Variants in RNF17 observed in about 807,000 individuals in gnomAD.
RNF17 encodes ring finger protein 17.
A neutral mutation model predicts 200.5 loss-of-function variants in RNF17; 31 were observed. That is an observed-to-expected ratio of 0.15 (90% CI 0.12 to 0.21). The LOEUF is 0.21. Ranked by LOEUF, RNF17 falls within the 10% of genes least tolerant of loss-of-function variation. The pLI, the probability that RNF17 is intolerant of heterozygous loss-of-function variation, is 1.00. For missense variants in RNF17, 1,628 were observed against 1,905.1 expected (o/e 0.85, Z 2.71); for synonymous variants, 606 against 637.8 (o/e 0.95, Z 0.75).
intron 15 of RNF17, among the ~76,000 whole-genome samples, chr13:24,816,465 T>C (rs1467136680): frequency 6.6e-6 from 1 of 152,130 alleles, no homozygotes; most frequent in Non-Finnish European, 1.5e-5. Context: ...CTTACCACAA[T>C]AAAACCAGAA....
At chr13:24,833,053 T>A (rs1330152323) in intron 18 of RNF17, among the ~76,000 whole-genome samples, 1 of 152,184 alleles carries the variant, frequency 6.6e-6, no homozygotes, top group Non-Finnish European at 1.5e-5. Context: ...ACTGGGAATC[T>A]GTTTTTCATC....
At chr13:24,885,408 A>G in the RNF17 span, 1 of 1,539,580 alleles carries the variant, frequency 6.5e-7, no homozygotes. Flanking sequence ...ACACATTTCA[A>G]GCAGCTAAAA....
intron 6 of RNF17, among the ~76,000 whole-genome samples, chr13:24,782,291 T>TC (rs1882488106): frequency 6.6e-6 from 1 of 151,836 alleles, no homozygotes; most frequent in African/African-American, 2.4e-5. Context: ...TCCTGCCACC[T>TC]CAGCCTTCAA....
At chr13:24,853,677 T>A (rs1433931747) in intron 24 of RNF17, among the ~76,000 whole-genome samples, 178 bp from the exon 25 acceptor site, 1 of 152,226 alleles carries the variant, frequency 6.6e-6, no homozygotes, top group Non-Finnish European at 1.5e-5. Flanking sequence ...TTGCTTTTTC[T>A]CATCAGTCTC....
chr13:24,806,199 T>A (rs1566158381), intron 15 of RNF17, among the ~76,000 whole-genome samples: 1 of 152,218 alleles, frequency 6.6e-6, no homozygotes, highest in Non-Finnish European at 1.5e-5. Flanking sequence ...TGACTCATTC[T>A]TTTTTATGTC....
intron 2 of RNF17, among the ~76,000 whole-genome samples, chr13:24,768,160 T>C (rs1675978471): frequency 6.6e-6 from 1 of 152,110 alleles, no homozygotes; most frequent in African/African-American, 2.4e-5. Context: ...AATCTTTCCA[T>C]AAGAATGAGA....
chr13:24,860,827 A>G (rs577339035), intron 26 of RNF17, among the ~76,000 whole-genome samples: 1 of 151,880 alleles, frequency 6.6e-6, no homozygotes, highest in African/African-American at 2.4e-5. Flanking sequence ...TAAATACAGT[A>G]TTACTTTTTT....
At chr13:24,876,253 T>C (rs556908072) in intron 33 of RNF17, among the ~76,000 whole-genome samples, 1 of 152,232 alleles carries the variant, frequency 6.6e-6, no homozygotes, top group Non-Finnish European at 1.5e-5. Flanking sequence ...TTTATTTTCA[T>C]CTTAATTTCA....
At chr13:24,864,210 G>A (rs186317055) in intron 28 of RNF17, among the ~76,000 whole-genome samples, 13 of 152,332 alleles carry the variant, frequency 8.5e-5, no homozygotes, top group East Asian at 1.9e-4. Context: ...GCTGAGGCAG[G>A]AGCAGGGCTA....
At chr13:24,753,709 A>G in the RNF17 span, among the ~76,000 whole-genome samples, 33 of 152,238 alleles carry the variant, frequency 2.2e-4, no homozygotes, top group African/African-American at 8.0e-4. Context: ...TGTGGCTCTT[A>G]GCAGATAGTG....
intron 24 of RNF17, among the ~76,000 whole-genome samples, chr13:24,853,160 T>C (rs1031878209): frequency 1.3e-5 from 2 of 152,140 alleles, no homozygotes; most frequent in African/African-American, 4.8e-5. Flanking sequence ...GTGATCTTCC[T>C]GCCTCAGTCT....
In RNF17 at chr13:24,789,306, TG is replaced by T. The variant is rs1337070207; in HGVS notation, c.784-41del. 2.3e-6 allele frequency: 3 copies of T among 1,287,984 alleles called. No homozygotes were observed. In the East Asian group the frequency reaches 7.0e-5, roughly 30 times the overall value. The allele number at this position is 1,287,984 out of a possible 1,614,324, so 79.8% of individuals were successfully genotyped here. On this transcript the variant is annotated intron_variant, in intron 7 of 35. Coordinates refer to ENST00000255324, the MANE Select transcript of RNF17 (RefSeq NM_031277.3). ...AAATCTTACTGTTCAGCAATATTTG[TG>T]ACAAGATTCACACATGAATGATTTT... is the stretch of plus-strand genomic sequence containing the variant.
At chr13:24,845,136 G>T in intron 22 of RNF17, 57 bp downstream of exon 22, 1 of 900,036 alleles carries the variant, frequency 1.1e-6, no homozygotes, top group South Asian at 1.5e-5. Flanking sequence ...ATGCGTTCTC[G>T]TCAGTTTTAA....
chr13:24,843,612 T>G, intron 19 of RNF17, 132 bp from the exon 20 acceptor site: 1 of 659,970 alleles, frequency 1.5e-6, no homozygotes, highest in South Asian at 1.7e-5. Context: ...AGTCACCTGT[T>G]TTAGGTCCAC....
At position 24,767,265 on chromosome 13, in the gene RNF17, T is replaced by A; in HGVS notation, c.131-7T>A. ...ATCAAAATAATAATTAAGAATTTCATCAATAGGTCACCATTGTGAACTTCA... is the reference window on the plus strand; with the variant it reads ...ATCAAAATAATAATTAAGAATTTCAACAATAGGTCACCATTGTGAACTTCA... On this transcript the variant is annotated splice_region_variant and splice_polypyrimidine_tract_variant and intron_variant, in intron 1 of 35. Coordinates refer to ENST00000255324, the MANE Select transcript of RNF17 (RefSeq NM_031277.3). 1 of 1,568,270 alleles carries A rather than the reference T, an allele frequency of 6.4e-7. No individual in the cohort carries two copies. Among genetic ancestry groups the A allele is most frequent in the Non-Finnish European group, 8.8e-7 (1 of 1,140,056 alleles).
rs760801584 is a variant in RNF17 at position 24,781,936 on chromosome 13, T to C, written c.603T>C (p.Phe201=). 1.3e-6 allele frequency: 2 copies of C among 1,598,100 alleles called. No homozygotes were observed. The highest frequency in any genetic ancestry group is 4.5e-5 in the East Asian group (2 of 44,762). ...EKQFDQLLAF[F]DSRKKNLCEE... ...AGTTTGACCAACTTTTGGCTTTTTT[T>C]GATTCCAGGTTAGTAACTTAAAAAT... The change falls in exon 6 of 36, where the codon TTT becomes TTC. Residue 201 remains phenylalanine, a synonymous_variant. Coordinates refer to ENST00000255324, the MANE Select transcript of RNF17 (RefSeq NM_031277.3).
At chr13:24,830,051 AC>A (rs1392401461) in intron 16 of RNF17, among the ~76,000 whole-genome samples, 1 of 152,182 alleles carries the variant, frequency 6.6e-6, no homozygotes, top group Non-Finnish European at 1.5e-5. Flanking sequence ...ATATTGGTAT[AC>A]CCGTTTTACA....
chr13:24,875,317 C>T (rs1443758635), intron 33 of RNF17, among the ~76,000 whole-genome samples: 2 of 151,842 alleles, frequency 1.3e-5, no homozygotes, highest in Admixed American at 6.6e-5. Flanking sequence ...AAATAATGCC[C>T]CAAAGAAAGC....
At chr13:24,807,822 G>A (rs1436510961) in intron 15 of RNF17, among the ~76,000 whole-genome samples, 1 of 151,496 alleles carries the variant, frequency 6.6e-6, no homozygotes, top group African/African-American at 2.4e-5. Flanking sequence ...TGATTTTTGT[G>A]TAAGGTGTAA....
Sources: gnomAD v4.1 joint callset for allele counts (sites outside exome capture counted in the v4.1 genomes callset) on GRCh38, gnomAD v4.1.1 for gene constraint, MANE v1.5 for transcripts, NCBI Gene and HGNC (gene_info 2026-07-23, HGNC 2026-07-21) for gene names.